PUDP: variants seen among roughly 807,000 people sequenced by gnomAD.
PUDP encodes pseudouridine 5'-phosphatase, also known as pseudouridine-5'-phosphatase.
PUDP carries 8 observed loss-of-function variants against 9.4 expected under a neutral mutation model. That is an observed-to-expected ratio of 0.85 (90% CI 0.50 to 1.53). PUDP has a LOEUF of 1.53. PUDP is among the 40% of genes most tolerant of loss of function. The pLI, the probability that PUDP is intolerant of heterozygous loss-of-function variation, is 0.00. For synonymous variants in PUDP, 99 were observed against 80.7 expected, an observed-to-expected ratio of 1.23 and a Z score of -1.22; for missense variants, 188 against 189.7, an observed-to-expected ratio of 0.99 and a Z score of 0.05.
chrX:6,803,112 T>TAAAAC (rs1439007061), intron 3 of PUDP, among the ~76,000 whole-genome samples: 1 of 100,412 alleles, frequency 1.0e-5, no homozygotes, highest in Non-Finnish European at 2.0e-5. Flanking sequence ...TAAAATAAAA[T>TAAAAC]AAAATAAAAC....
chrX:6,841,452 G>C (rs1331888212), intron 3 of PUDP, among the ~76,000 whole-genome samples: 1 of 108,856 alleles, frequency 9.2e-6, no homozygotes, highest in East Asian at 2.9e-4. Context: ...AATTAGCCAG[G>C]TGTGGTGGTG....
intron 3 of PUDP, among the ~76,000 whole-genome samples, chrX:6,819,202 A>G (rs761429647): frequency 1.2e-4 from 13 of 112,045 alleles, no homozygotes; most frequent in African/African-American, 4.2e-4. Context: ...CCAACAACAC[A>G]AAGACTGGGT....
intron 1 of PUDP, among the ~76,000 whole-genome samples, chrX:7,120,137 G>A (rs1337858336): frequency 9.0e-6 from 1 of 111,336 alleles, no homozygotes; most frequent in Admixed American, 9.5e-5. Context: ...CAGTGATGAC[G>A]CAATCTGCAG....
In PUDP at chrX:7,030,396, T is replaced by C. The variant is rs1307497818; in HGVS notation, c.204+46824A>G. On this transcript the variant is annotated intron_variant and NMD_transcript_variant, in intron 1 of 3. Transcript: ENST00000655425. ...AAAAGGCTTCCGCGATGGAATGAGA[T>C]TGGGGAAGCTGAGTTAAACAAAACC... Among the ~76,000 whole-genome samples, 5 of 111,857 alleles carry C rather than the reference T, an allele frequency of 4.5e-5. No individual in the cohort carries two copies. In the Admixed American group the frequency reaches 4.7e-4, roughly 11 times the overall value.
At chrX:7,124,516 A>G (rs1162552600) in intron 1 of PUDP, among the ~76,000 whole-genome samples, 2 of 110,982 alleles carry the variant, frequency 1.8e-5, no homozygotes, top group Admixed American at 9.6e-5. Context: ...AGGCAAGAAA[A>G]CATTCCCCAT....
At chrX:6,767,379 C>A (rs924855390) in intron 3 of PUDP, among the ~76,000 whole-genome samples, 2 of 112,676 alleles carry the variant, frequency 1.8e-5, no homozygotes, top group African/African-American at 6.4e-5. Context: ...ATTAATGAGG[C>A]CCTGCAATGT....
intron 1 of PUDP, among the ~76,000 whole-genome samples, chrX:7,001,869 C>A (rs1028968669): frequency 9.0e-6 from 1 of 111,608 alleles, no homozygotes; most frequent in African/African-American, 3.3e-5. Context: ...CTTCACAAGA[C>A]AATTTAGGGG....
At chrX:6,849,159 C>G (rs1926791889) in intron 3 of PUDP, among the ~76,000 whole-genome samples, 2 of 111,307 alleles carry the variant, frequency 1.8e-5, no homozygotes, top group African/African-American at 6.5e-5. Flanking sequence ...CTATTGGAAG[C>G]CCTCTGAGAG....
intron 3 of PUDP, among the ~76,000 whole-genome samples, chrX:7,057,352 G>A (rs1294240615): frequency 9.1e-6 from 1 of 110,244 alleles, no homozygotes; most frequent in Non-Finnish European, 1.9e-5. Flanking sequence ...GTGAGATCAG[G>A]GAGCCAGCGT....
chrX:7,099,517 C>G (rs1264475397), intron 2 of PUDP, among the ~76,000 whole-genome samples: 1 of 112,504 alleles, frequency 8.9e-6, no homozygotes, highest in African/African-American at 3.2e-5. Flanking sequence ...GAACTAACTG[C>G]TCAAAAGGAT....
intron 3 of PUDP, among the ~76,000 whole-genome samples, chrX:6,739,306 A>G (rs1469405156): frequency 8.9e-6 from 1 of 111,927 alleles, no homozygotes; most frequent in East Asian, 2.8e-4. Flanking sequence ...AGGAAGCTGC[A>G]GTGACCTAGA....
intron 3 of PUDP, among the ~76,000 whole-genome samples, chrX:6,911,889 T>A (rs1158241909): frequency 8.9e-6 from 1 of 112,073 alleles, no homozygotes; most frequent in African/African-American, 3.2e-5. Context: ...ACAACGTGAA[T>A]TCTCTTTGTT....
At chrX:6,766,029 C>T (rs1167461104) in intron 3 of PUDP, among the ~76,000 whole-genome samples, 2 of 111,102 alleles carry the variant, frequency 1.8e-5, no homozygotes, top group Non-Finnish European at 3.8e-5. Context: ...AAATATTATT[C>T]AAGTAATAGC....
intron 3 of PUDP, among the ~76,000 whole-genome samples, chrX:6,787,451 T>C (rs1261292671): frequency 8.9e-6 from 1 of 112,178 alleles, no homozygotes; most frequent in Non-Finnish European, 1.9e-5. Flanking sequence ...TGCTATGCCA[T>C]TGCTGAAGAC....
At chrX:6,706,614 A>T (rs1346783817) in intron 1 of PUDP, 2 of 112,225 alleles carry the variant, frequency 1.8e-5, no homozygotes, top group Admixed American at 1.9e-4. Context: ...ACAAAAGAAA[A>T]GTGAGGTGCC....
rs750040435 is a variant in PUDP, at chrX:7,053,354, G to A, written c.511-2882C>T. Among the ~76,000 whole-genome samples, 12 of 111,549 alleles carry A rather than the reference G, an allele frequency of 1.1e-4. No homozygotes were observed. The South Asian group carries it at 4.2e-3, about 39-fold the overall frequency. ...CCAATACACCTGCACTCACCTAAAG[G>A]GGGTCATACAGTTTTGCTGTGTCCC... On this transcript the variant is annotated intron_variant, in intron 3 of 3. Coordinates refer to ENST00000381077, the MANE Select transcript of PUDP (RefSeq NM_012080.5).
intron 3 of PUDP, among the ~76,000 whole-genome samples, chrX:6,773,569 T>C (rs768893369): frequency 9.9e-5 from 11 of 110,907 alleles, no homozygotes; most frequent in Non-Finnish European, 1.7e-4. Flanking sequence ...CAATACTCAG[T>C]GGAGAGTTGC....
intron 3 of PUDP, among the ~76,000 whole-genome samples, chrX:6,732,947 A>G (rs1427232895): frequency 8.9e-6 from 1 of 111,985 alleles, no homozygotes; most frequent in Non-Finnish European, 1.9e-5. Flanking sequence ...CGGACCATAA[A>G]TAAACATTTC....
At chrX:7,001,837 T>C (rs966115004) in intron 1 of PUDP, among the ~76,000 whole-genome samples, 1 of 111,938 alleles carries the variant, frequency 8.9e-6, no homozygotes, top group Non-Finnish European at 1.9e-5. Context: ...AAAATTTAAA[T>C]GCCAAAGTCA....
Sources: gnomAD v4.1 joint callset for allele counts (sites outside exome capture counted in the v4.1 genomes callset) on GRCh38, gnomAD v4.1.1 for gene constraint, MANE v1.5 for transcripts, NCBI Gene and HGNC (gene_info 2026-07-23, HGNC 2026-07-21) for gene names.